SWAP70: variants seen among roughly 807,000 people sequenced by gnomAD.
SWAP70 encodes switch-associated protein 70.
In SWAP70, 34 loss-of-function variants were observed where a neutral mutation model predicts 80.2. The observed-to-expected ratio is 0.42, with a 90% CI of 0.32 to 0.56. The LOEUF (loss-of-function observed/expected upper bound fraction) is 0.56, where lower values mean the gene tolerates loss of function less well. SWAP70 is among the 20% of genes least tolerant of loss of function. The pLI is 0.09. For synonymous variants in SWAP70, 239 were observed against 238.5 expected, an observed-to-expected ratio of 1.00 and a Z score of -0.02; for missense variants, 578 against 690.7, an observed-to-expected ratio of 0.84 and a Z score of 1.83.
At chr11:9,671,216 T>A in intron 1 of SWAP70, among the ~76,000 whole-genome samples, 5 of 75,158 alleles carry the variant, frequency 6.7e-5, no homozygotes, top group African/African-American at 2.4e-4. Flanking sequence ...AATATAAATA[T>A]AAAAATATAT....
intron 1 of SWAP70, among the ~76,000 whole-genome samples, chr11:9,664,895 G>C (rs561896706): frequency 1.3e-5 from 2 of 152,328 alleles, no homozygotes; most frequent in African/African-American, 2.4e-5. Context: ...ACTAGTGGAC[G>C]GGGTGTACTG....
intron 2 of SWAP70, among the ~76,000 whole-genome samples, chr11:9,710,873 C>T (rs1051945942): frequency 1.5e-4 from 23 of 151,536 alleles, no homozygotes; most frequent in East Asian, 5.8e-4. Context: ...TTGTACAGAC[C>T]GGGTCTGTCT....
intron 8 of SWAP70, 26 bp downstream of exon 8, chr11:9,738,346 C>CA: frequency 4.5e-6 from 7 of 1,542,404 alleles, no homozygotes; most frequent in Non-Finnish European, 5.3e-6. Context: ...CTGGAGAAAG[C>CA]AGCTGCAGTA....
At chr11:9,725,636 A>G (rs1851214044) in intron 4 of SWAP70, among the ~76,000 whole-genome samples, 1 of 135,886 alleles carries the variant, frequency 7.4e-6, no homozygotes, top group Admixed American at 8.3e-5. Context: ...CAGTGGCATG[A>G]TCTTGGCTCA....
chr11:9,722,649 C>A (rs1476648224), intron 3 of SWAP70, among the ~76,000 whole-genome samples: 2 of 152,010 alleles, frequency 1.3e-5, no homozygotes, highest in Non-Finnish European at 2.9e-5. Context: ...GAATAAATAC[C>A]AATTAACTGG....
intron 2 of SWAP70, among the ~76,000 whole-genome samples, chr11:9,699,956 A>G (rs1309069550): frequency 6.6e-6 from 1 of 151,574 alleles, no homozygotes; most frequent in Non-Finnish European, 1.5e-5. Flanking sequence ...CATACTGGGA[A>G]ATTCTCAGAA....
At chr11:9,681,069 A>C (rs1038925885) in intron 1 of SWAP70, 12 of 155,330 alleles carry the variant, frequency 7.7e-5, no homozygotes, top group Admixed American at 3.3e-4. Context: ...TCAGTCAAAG[A>C]GAACGACCAT....
At chr11:9,736,788 T>C (rs1282409441) in intron 7 of SWAP70, among the ~76,000 whole-genome samples, 1 of 152,236 alleles carries the variant, frequency 6.6e-6, no homozygotes, top group Admixed American at 6.5e-5. Flanking sequence ...CCCTGGAACC[T>C]GAATTGCCTC....
At chr11:9,729,260 C>T (rs1341945597) in intron 5 of SWAP70, 83 bp from the exon 6 acceptor site, 3 of 847,704 alleles carry the variant, frequency 3.5e-6, no homozygotes, top group Non-Finnish European at 5.7e-6. Flanking sequence ...CATTAAGTTT[C>T]AGCTCATTTT....
At chr11:9,676,905 G>A (rs956410285) in intron 1 of SWAP70, among the ~76,000 whole-genome samples, 12 of 151,794 alleles carry the variant, frequency 7.9e-5, no homozygotes, top group South Asian at 4.2e-4. Context: ...CGCCTGCCTC[G>A]GCCTCCCAAA....
intron 9 of SWAP70, 168 bp downstream of exon 9, chr11:9,740,515 G>A (rs1380971335): frequency 1.4e-6 from 1 of 715,754 alleles, no homozygotes; most frequent in South Asian, 1.6e-5. Context: ...CGACCGGCTG[G>A]AGTGTTTCTT....
chr11:9,712,720 G>T (rs998654122), intron 2 of SWAP70, among the ~76,000 whole-genome samples: 1 of 147,878 alleles, frequency 6.8e-6, no homozygotes, highest in Middle Eastern at 3.5e-3. Context: ...TTCCCCAAAA[G>T]AAGGTATCTT....
At chr11:9,740,384 TTTGCCTGGGCTAATACAGTTTC>T in intron 9 of SWAP70, 37 bp downstream of exon 9, 1 of 1,606,578 alleles carries the variant, frequency 6.2e-7, no homozygotes, top group African/African-American at 1.3e-5. Context: ...CTTTATGTAC[TTTGCCTGGGCTAATACAGTTTC>T]TTGGAATGAC....
At chr11:9,744,812 A>G (rs61284089) in intron 9 of SWAP70, among the ~76,000 whole-genome samples, 16,176 of 151,974 alleles carry the variant, frequency 0.11, 2,170 homozygotes, top group African/African-American at 0.3. Context: ...GGAGGCTGAG[A>G]CACTTGAATC....
At chr11:9,746,101 A>C (rs78074991) in intron 9 of SWAP70, among the ~76,000 whole-genome samples, 7,787 of 152,264 alleles carry the variant, frequency 0.051, 263 homozygotes, top group Non-Finnish European at 0.069. Context: ...TGAATTCTCT[A>C]CTGGCTCTGC....
intron 1 of SWAP70, among the ~76,000 whole-genome samples, chr11:9,666,376 G>C (rs142416379): frequency 6.2e-4 from 95 of 152,196 alleles, no homozygotes; most frequent in African/African-American, 2.2e-3. Flanking sequence ...GTGACCCACT[G>C]TGCCTGGCCA....
rs199593886 is a variant in SWAP70 at position 9,674,984 on chromosome 11, A to AT, written c.99+10710dup. Among the ~76,000 whole-genome samples the AT allele has an allele frequency of 1.9e-3, 288 of 149,688 alleles. 1 individual carries two copies. The highest frequency in any genetic ancestry group is 6.8e-3 in the Middle Eastern group (2 of 294). On this transcript the variant is annotated intron_variant, in intron 1 of 11. Coordinates refer to ENST00000318950, the MANE Select transcript of SWAP70 (RefSeq NM_015055.4). Reference sequence around the variant, plus strand: ...ACTCCGTCTCAAAAAAAAAAAAAAAATTTTAAATTTAAAAAATAGAAGCCA... The same window carrying AT: ...ACTCCGTCTCAAAAAAAAAAAAAAAATTTTTAAATTTAAAAAATAGAAGCCA...
Position 9,675,386 on chromosome 11 carries a change from A to C in SWAP70, c.99+11108A>C, listed in dbSNP as rs994238799. Among the ~76,000 whole-genome samples, 119 of 121,038 alleles carry C rather than the reference A, an allele frequency of 9.8e-4. 5 individuals are homozygous for C. Among genetic ancestry groups the C allele is most frequent in the African/African-American group, 3.0e-3 (85 of 28,610 alleles). 79.4% of individuals were successfully genotyped at this position (121,038 alleles called of 152,430 possible). A position where few individuals can be genotyped will look rare whatever the true frequency, so the allele number is the denominator to read the frequency against. On this transcript the variant is annotated intron_variant, in intron 1 of 11. Transcript: ENST00000318950. The stretch of plus-strand genomic sequence containing the variant: ...GAGAGAGAGAGAGAGAGAGAGAGAG[A>C]GAGAGAGAGAGAGAGAGAGAGAGAG...
intron 9 of SWAP70, 125 bp from the exon 10 acceptor site, chr11:9,747,733 C>G (rs1335941205): frequency 1.1e-6 from 1 of 895,478 alleles, no homozygotes; most frequent in African/African-American, 1.6e-5. Context: ...TGCTTTCCTC[C>G]TGGTGGAATG....
Sources: allele counts gnomAD v4.1 joint callset (sites outside exome capture counted in the v4.1 genomes callset), GRCh38; gene constraint gnomAD v4.1.1; transcripts MANE v1.5; gene names NCBI Gene and HGNC (gene_info 2026-07-23, HGNC 2026-07-21).